PTCSC3: variants seen among roughly 807,000 people sequenced by gnomAD.
The protein encoded by PTCSC3 is papillary thyroid carcinoma susceptibility candidate 3.
chr14:36,175,004 G>A (rs1282374917), intron 1 of PTCSC3, among the ~76,000 whole-genome samples: 2 of 152,030 alleles, frequency 1.3e-5, no homozygotes, highest in Admixed American at 6.6e-5. Flanking sequence ...AGTAAAGCTC[G>A]GGTCGCCTCA....
At chr14:36,140,945 G>A (rs552017729) in intron 3 of PTCSC3, among the ~76,000 whole-genome samples, 6 of 152,046 alleles carry the variant, frequency 3.9e-5, no homozygotes, top group South Asian at 2.1e-4. Flanking sequence ...TTTGAGGGGG[G>A]AATACAAATG....
At chr14:36,157,948 A>AG (rs2057714337) in intron 2 of PTCSC3, among the ~76,000 whole-genome samples, 1 of 152,164 alleles carries the variant, frequency 6.6e-6, no homozygotes, top group Non-Finnish European at 1.5e-5. Flanking sequence ...AGTGGTTTGT[A>AG]GTTCTCCTTG....
intron 1 of PTCSC3, among the ~76,000 whole-genome samples, chr14:36,163,578 G>A (rs1024458616): frequency 3.9e-5 from 6 of 152,178 alleles, no homozygotes; most frequent in Admixed American, 3.3e-4. Context: ...GACCACATGG[G>A]CTGAAAACAT....
At chr14:36,150,552 A>C (rs1056530374) in intron 3 of PTCSC3, among the ~76,000 whole-genome samples, 1 of 152,220 alleles carries the variant, frequency 6.6e-6, no homozygotes, top group South Asian at 2.1e-4. Flanking sequence ...GTGATTATTG[A>C]TACAGTTGAA....
At chr14:36,163,110 G>A (rs1882006064) in intron 1 of PTCSC3, among the ~76,000 whole-genome samples, 1 of 151,972 alleles carries the variant, frequency 6.6e-6, no homozygotes, top group African/African-American at 2.4e-5. Context: ...AATAGCCATG[G>A]TAGGTGGTAC....
intron 3 of PTCSC3, among the ~76,000 whole-genome samples, chr14:36,145,301 TG>T (rs1881534019): frequency 1.3e-5 from 2 of 151,390 alleles, no homozygotes; most frequent in Non-Finnish European, 1.5e-5. Context: ...GGACTCTTTT[TG>T]GTTGGTAAGA....
chr14:36,168,580 TA>T (rs1206214058), intron 1 of PTCSC3, among the ~76,000 whole-genome samples: 3 of 151,650 alleles, frequency 2.0e-5, no homozygotes, highest in Admixed American at 2.0e-4. Flanking sequence ...AACTCAGATT[TA>T]AAAAGAAAGG....
intron 1 of PTCSC3, chr14:36,165,145 C>G (rs7147967): frequency 0.016 from 2,375 of 152,236 alleles, 31 homozygotes; most frequent in South Asian, 0.043. Context: ...TCGCCCATCT[C>G]AAGTCATTTT....
chr14:36,143,815 C>G lies in PTCSC3; in HGVS notation n.323-7459G>C, dbSNP rs61996563. On this transcript the variant is annotated intron_variant and non_coding_transcript_variant, in intron 3 of 3. Transcript: ENST00000556013. ...AGGTCTAACGTTTAAGTCTTTAATCCATCTTGAATTGATTTTTGTATAAGG... is the reference window on the plus strand; with the variant it reads ...AGGTCTAACGTTTAAGTCTTTAATCGATCTTGAATTGATTTTTGTATAAGG... Among the ~76,000 whole-genome samples, 756 of 142,534 alleles carry G rather than the reference C, an allele frequency of 5.3e-3. 8 individuals are homozygous for G. Among genetic ancestry groups the G allele is most frequent in the Middle Eastern group, 0.018 (5 of 280 alleles). 93.5% of individuals were successfully genotyped at this position (142,534 alleles called of 152,430 possible). A position where few individuals can be genotyped will look rare whatever the true frequency, so the allele number is the denominator to read the frequency against.
chr14:36,140,310 T>C (rs1390930416), intron 3 of PTCSC3, among the ~76,000 whole-genome samples: 1 of 152,190 alleles, frequency 6.6e-6, no homozygotes, highest in South Asian at 2.1e-4. Context: ...TGTGCAGGTT[T>C]TTGTGTGGCC....
chr14:36,150,052 A>G (rs1881687313), intron 3 of PTCSC3, among the ~76,000 whole-genome samples: 1 of 152,178 alleles, frequency 6.6e-6, no homozygotes, highest in South Asian at 2.1e-4. Context: ...GGATTTTCAA[A>G]TTAGGGATGC....
At chr14:36,142,091 T>C (rs1198313929) in intron 3 of PTCSC3, among the ~76,000 whole-genome samples, 1 of 152,230 alleles carries the variant, frequency 6.6e-6, no homozygotes. Context: ...GACATCCTGG[T>C]TTCATTCCTT....
At chr14:36,160,362 T>A (rs1053950082) in intron 2 of PTCSC3, among the ~76,000 whole-genome samples, 1 of 152,216 alleles carries the variant, frequency 6.6e-6, no homozygotes, top group African/African-American at 2.4e-5. Context: ...CAGTGGCTGG[T>A]ATCTGTTGTT....
downstream of PTCSC3, among the ~76,000 whole-genome samples, chr14:36,135,539 T>G (rs778475920): frequency 6.6e-6 from 1 of 152,294 alleles, no homozygotes; most frequent in Admixed American, 6.5e-5. Flanking sequence ...CTCTTGTAAA[T>G]AACTGCTTGA....
At chr14:36,138,251 C>A (rs1881333816) in intron 3 of PTCSC3, among the ~76,000 whole-genome samples, 1 of 152,146 alleles carries the variant, frequency 6.6e-6, no homozygotes, top group Admixed American at 6.5e-5. Context: ...AGCATCAGAT[C>A]TGAAATGAGA....
intron 2 of PTCSC3, among the ~76,000 whole-genome samples, chr14:36,162,282 A>AAAAAAAAAC: frequency 7.8e-6 from 1 of 127,964 alleles, no homozygotes; most frequent in South Asian, 2.6e-4. Context: ...AAAAAAAAAA[A>AAAAAAAAAC]AAACTCCTGC....
chr14:36,148,839 C>T (rs986153491), intron 3 of PTCSC3, among the ~76,000 whole-genome samples: 4 of 152,000 alleles, frequency 2.6e-5, no homozygotes, highest in African/African-American at 9.7e-5. Flanking sequence ...CTTTATTATC[C>T]TTTTATTGGC....
intron 3 of PTCSC3, among the ~76,000 whole-genome samples, chr14:36,146,248 T>C (rs906902511): frequency 4.1e-5 from 6 of 147,564 alleles, no homozygotes; most frequent in African/African-American, 5.0e-5. Context: ...ATCTGTCTAA[T>C]GTTGACAGTG....
At chr14:36,159,181 T>TTA (rs552993473) in intron 2 of PTCSC3, among the ~76,000 whole-genome samples, 4,562 of 146,422 alleles carry the variant, frequency 0.031, 211 homozygotes, top group African/African-American at 0.11. Flanking sequence ...TGTTGATCTT[T>TTA]AAAAAAAAAA....
Sources: gnomAD v4.1 joint callset for allele counts (sites outside exome capture counted in the v4.1 genomes callset) on GRCh38, gnomAD v4.1.1 for gene constraint, MANE v1.5 for transcripts, NCBI Gene and HGNC (gene_info 2026-07-23, HGNC 2026-07-21) for gene names.